KCNQ1: variants seen among roughly 807,000 people sequenced by gnomAD.
KCNQ1 encodes potassium voltage-gated channel subfamily Q member 1.
A neutral mutation model predicts 72.4 loss-of-function variants in KCNQ1; 49 were observed. That is an observed-to-expected ratio of 0.68 (90% CI 0.54 to 0.86). The LOEUF is 0.86. KCNQ1 is among the 40% of genes least tolerant of loss of function. KCNQ1 has a pLI of 0.00. For missense variants in KCNQ1, 790 were observed against 945.1 expected (o/e 0.84, Z 2.15); for synonymous variants, 450 against 412.6 (o/e 1.09, Z -1.10).
In KCNQ1 at chr11:2,471,886, G is replaced by C. The variant is rs1479436404; in HGVS notation, c.386+26402G>C. ...TTTATGTATGGGTGTGTGTGCACATGTGTATAGGTGTGTGTATGCGTGCAC... is the reference window on the plus strand; with the variant it reads ...TTTATGTATGGGTGTGTGTGCACATCTGTATAGGTGTGTGTATGCGTGCAC... On this transcript the variant is annotated intron_variant, in intron 1 of 15. Transcript: ENST00000155840. The surrounding 1 kb of genome is among the most constrained non-coding windows in gnomAD (Gnocchi z 4.8). Among the ~76,000 whole-genome samples, 1 of 151,066 alleles carries C rather than the reference G, an allele frequency of 6.6e-6. No individual in the cohort carries two copies. Among genetic ancestry groups the C allele is most frequent in the African/African-American group, 2.4e-5 (1 of 41,038 alleles).
At position 2,510,492 on chromosome 11, in the gene KCNQ1, A is replaced by G. The variant is rs374001031; in HGVS notation, c.387-17436A>G. ...TGTGGTGGCTCACATCTGTAGTCCCAGCTACCCTGGAGGCTGAGGTGGGAG... is the reference window on the plus strand; with the variant it reads ...TGTGGTGGCTCACATCTGTAGTCCCGGCTACCCTGGAGGCTGAGGTGGGAG... On this transcript the variant is annotated intron_variant, in intron 1 of 15. Transcript: ENST00000155840. 3.7e-4 allele frequency among the ~76,000 whole-genome samples: 57 copies of G among 152,212 alleles called. 1 individual carries two copies. The highest frequency in any genetic ancestry group is 1.4e-3 in the African/African-American group (57 of 41,522).
In KCNQ1 at chr11:2,598,936, T is replaced by C. The variant is rs1469816728; in HGVS notation, c.1393+10082T>C. 6.6e-6 allele frequency among the ~76,000 whole-genome samples: 1 copy of C among 152,226 alleles called. No individual in the cohort carries two copies. The highest frequency in any genetic ancestry group is 1.5e-5 in the Non-Finnish European group (1 of 68,032). ...CCCATATGCAGCAAACAGTCTTGTG[T>C]CTCTGTCTGCTGCCAAATTGGCCTC... On this transcript the variant is annotated intron_variant, in intron 10 of 15. Coordinates refer to ENST00000155840, the MANE Select transcript of KCNQ1 (RefSeq NM_000218.3). This position sits in a 1 kb window ranked among gnomAD's most constrained non-coding sequence, Gnocchi z 6.2.
Position 2,642,254 on chromosome 11 carries a change from G to T in KCNQ1, c.1394-19707G>T. On this transcript the variant is annotated intron_variant, in intron 10 of 15. Transcript: ENST00000155840. The surrounding 1 kb of genome is among the most constrained non-coding windows in gnomAD (Gnocchi z 4.3). ...GTTAATTCTCCCAATCCATGAGAATGGGATGTTTTTTGTGTGTTCTTTTCA... is the reference window on the plus strand; with the variant it reads ...GTTAATTCTCCCAATCCATGAGAATTGGATGTTTTTTGTGTGTTCTTTTCA... 2.5e-6 allele frequency: 1 copy of T among 398,334 alleles called. No homozygotes were observed. The allele number at this position is 398,334 out of a possible 1,614,324, so 24.7% of individuals were successfully genotyped here.
Position 2,840,920 on chromosome 11 carries a change from C to T in KCNQ1, c.1795-6847C>T, listed in dbSNP as rs530623720. Among the ~76,000 whole-genome samples the T allele has an allele frequency of 1.9e-3, 293 of 152,292 alleles. 1 individual carries two copies. Among genetic ancestry groups the T allele is most frequent in the African/African-American group, 3.9e-3 (164 of 41,554 alleles). Reference sequence around the variant, plus strand: ...GGGCCTCACTTACTAATTCAACAAACATTTGTGCAGCGCCAACTCTACCCT... The same window carrying T: ...GGGCCTCACTTACTAATTCAACAAATATTTGTGCAGCGCCAACTCTACCCT... On this transcript the variant is annotated intron_variant, in intron 15 of 15. Transcript: ENST00000155840.
rs892357352 is a variant in KCNQ1 at position 2,478,780 on chromosome 11, C to T, written c.386+33296C>T. Among the ~76,000 whole-genome samples the T allele has an allele frequency of 1.3e-5, 2 of 152,172 alleles. No individual in the cohort carries two copies. Among genetic ancestry groups the T allele is most frequent in the African/African-American group, 2.4e-5 (1 of 41,446 alleles). On this transcript the variant is annotated intron_variant, in intron 1 of 15. Coordinates refer to ENST00000155840, the MANE Select transcript of KCNQ1 (RefSeq NM_000218.3). The surrounding 1 kb of genome is among the most constrained non-coding windows in gnomAD (Gnocchi z 4.0). ...TCCCAACGGTGCCCCAAAGTCTTAA[C>T]TCATTTCAGCATTAACTCAAAAATC...
In KCNQ1 at chr11:2,491,934, G is replaced by GA. The variant is rs1215470868; in HGVS notation, c.387-35986dup. On this transcript the variant is annotated intron_variant, in intron 1 of 15. Coordinates refer to ENST00000155840, the MANE Select transcript of KCNQ1 (RefSeq NM_000218.3). This position sits in a 1 kb window ranked among gnomAD's most constrained non-coding sequence, Gnocchi z 4.1. ...GCAGGACATATTTAAGGTGCTGAAG[G>GA]AAAAAAAAGAAAAAAACTTTTGCTC... Among the ~76,000 whole-genome samples, 15 of 151,488 alleles carry GA rather than the reference G, an allele frequency of 9.9e-5. No individual in the cohort carries two copies. The highest frequency in any genetic ancestry group is 4.4e-5 in the Non-Finnish European group (3 of 67,868).
In KCNQ1 at chr11:2,687,063, C is replaced by T. The variant is rs1850502157; in HGVS notation, c.1514+24982C>T. 1.0e-5 allele frequency: 4 copies of T among 398,530 alleles called. No individual in the cohort carries two copies. The highest frequency in any genetic ancestry group is 8.8e-5 in the Admixed American group (2 of 22,724). 24.7% of individuals were successfully genotyped at this position (398,530 alleles called of 1,614,324 possible). ...CCCAGCTCTGGGGGACAAGGACCCA[C>T]AAAGTGATGCAAGATATCCTGAGTT... is the stretch of plus-strand genomic sequence containing the variant. On this transcript the variant is annotated intron_variant, in intron 11 of 15. Coordinates refer to ENST00000155840, the MANE Select transcript of KCNQ1 (RefSeq NM_000218.3). The surrounding 1 kb of genome is among the most constrained non-coding windows in gnomAD (Gnocchi z 5.0).
Position 2,602,386 on chromosome 11 carries a change from A to G in KCNQ1, c.1393+13532A>G, listed in dbSNP as rs1243084109. ...ATAAGGATGACATGAATATTCTTGTAAGGTTCTTGTGTGAACATAAGTTTT... is the reference window on the plus strand; with the variant it reads ...ATAAGGATGACATGAATATTCTTGTGAGGTTCTTGTGTGAACATAAGTTTT... On this transcript the variant is annotated intron_variant, in intron 10 of 15. Transcript: ENST00000155840. This position sits in a 1 kb window ranked among gnomAD's most constrained non-coding sequence, Gnocchi z 4.8. Among the ~76,000 whole-genome samples the G allele has an allele frequency of 6.6e-6, 1 of 152,172 alleles. No homozygotes were observed. Among genetic ancestry groups the G allele is most frequent in the Non-Finnish European group, 1.5e-5 (1 of 68,034 alleles).
Position 2,654,998 on chromosome 11 carries a change from C to T in KCNQ1, c.1394-6963C>T, listed in dbSNP as rs1283759190. On this transcript the variant is annotated intron_variant, in intron 10 of 15. Transcript: ENST00000155840. The surrounding 1 kb of genome is among the most constrained non-coding windows in gnomAD (Gnocchi z 6.4). ...TATCATGCAAAATAGAAAACACAGA[C>T]ACAATAAGGAAGGAAATGAAAATCA... The T allele has an allele frequency of 1.0e-5, 4 of 398,418 alleles. No homozygotes were observed. The highest frequency in any genetic ancestry group is 6.2e-5 in the African/African-American group (3 of 48,588). 24.7% of individuals were successfully genotyped at this position (398,418 alleles called of 1,614,324 possible).
intron 15 of KCNQ1, among the ~76,000 whole-genome samples, chr11:2,805,532 A>T (rs2134031657): frequency 6.6e-6 from 1 of 152,340 alleles, no homozygotes; most frequent in Non-Finnish European, 1.5e-5. Context: ...TGTTTTTGTA[A>T]ATAAAGTTTT....
chr11:2,456,691 G>A (rs1187679599), intron 1 of KCNQ1, among the ~76,000 whole-genome samples: 1 of 150,672 alleles, frequency 6.6e-6, no homozygotes, highest in African/African-American at 2.4e-5. Context: ...GGAGGCCAAG[G>A]TGGGCAGATC....
At chr11:2,837,617 T>G (rs1848100562) in intron 15 of KCNQ1, among the ~76,000 whole-genome samples, 2 of 148,048 alleles carry the variant, frequency 1.4e-5, no homozygotes, top group Non-Finnish European at 1.5e-5. Context: ...CAGACAGAGG[T>G]GGGGGATGGA....
intron 11 of KCNQ1, among the ~76,000 whole-genome samples, chr11:2,743,861 G>A (rs1590064472): frequency 6.6e-6 from 1 of 152,364 alleles, no homozygotes; most frequent in East Asian, 1.9e-4. Flanking sequence ...TCTTCTGGTA[G>A]GGTGGGATAT....
At chr11:2,523,014 C>T (rs1847415880) in intron 1 of KCNQ1, among the ~76,000 whole-genome samples, 1 of 152,218 alleles carries the variant, frequency 6.6e-6, no homozygotes, top group Admixed American at 6.5e-5. Context: ...CCAGCTGTGT[C>T]TCCTGAGCAC....
Position 2,499,979 on chromosome 11 carries a change from C to T in KCNQ1, c.387-27949C>T, listed in dbSNP as rs1194890031. Among the ~76,000 whole-genome samples, 3 of 152,206 alleles carry T rather than the reference C, an allele frequency of 2.0e-5. No homozygotes were observed. The East Asian group carries it at 5.8e-4, about 29-fold the overall frequency. ...AAATACTATCAAGCATCTTCTCTGA[C>T]CAGTACAGAATAAAACTAGAAGTTA... is the stretch of plus-strand genomic sequence containing the variant. On this transcript the variant is annotated intron_variant, in intron 1 of 15. Coordinates refer to ENST00000155840, the MANE Select transcript of KCNQ1 (RefSeq NM_000218.3).
intron 15 of KCNQ1, among the ~76,000 whole-genome samples, chr11:2,807,716 CT>C (rs1273111065): frequency 6.7e-6 from 1 of 150,142 alleles, no homozygotes; most frequent in South Asian, 2.1e-4. Flanking sequence ...CCCACCCGAG[CT>C]GCCTGCCTTT....
chr11:2,475,541 A>T lies in KCNQ1; in HGVS notation c.386+30057A>T, dbSNP rs938601786. On this transcript the variant is annotated intron_variant, in intron 1 of 15. Transcript: ENST00000155840. This position sits in a 1 kb window ranked among gnomAD's most constrained non-coding sequence, Gnocchi z 5.8. ...GATTTTCAAGCACACACACCTAAAG[A>T]TAGCAGACATTCCATTCAACCTTCA... Among the ~76,000 whole-genome samples the T allele has an allele frequency of 2.6e-5, 4 of 152,372 alleles. No homozygotes were observed. Among genetic ancestry groups the T allele is most frequent in the Admixed American group, 1.3e-4 (2 of 15,310 alleles).
chr11:2,661,766 AGGT>A lies in KCNQ1; in HGVS notation c.1394-193_1394-191del, dbSNP rs1287515468. ...TGGCCTTTATTCTCCTCAGACACTG[AGGT>A]GTCAGGCACTTTGGGGCCATCTTAA... On this transcript the variant is annotated intron_variant, in intron 10 of 15. Transcript: ENST00000155840. The surrounding 1 kb of genome is among the most constrained non-coding windows in gnomAD (Gnocchi z 5.9). The A allele has an allele frequency of 3.1e-6, 2 of 651,226 alleles. No individual in the cohort carries two copies. The highest frequency in any genetic ancestry group is 5.5e-6 in the Non-Finnish European group (2 of 363,362). 40.3% of individuals were successfully genotyped at this position (651,226 alleles called of 1,614,324 possible). A position where few individuals can be genotyped will look rare whatever the true frequency, so the allele number is the denominator to read the frequency against.
intron 15 of KCNQ1, among the ~76,000 whole-genome samples, chr11:2,788,025 C>T (rs1296810353): frequency 6.6e-6 from 1 of 152,154 alleles, no homozygotes; most frequent in Non-Finnish European, 1.5e-5. Flanking sequence ...GCTCCCCCAA[C>T]GTTTACCCAG....
Sources: allele counts gnomAD v4.1 joint callset (sites outside exome capture counted in the v4.1 genomes callset), GRCh38; gene constraint gnomAD v4.1.1; non-coding constraint Gnocchi (gnomAD v3.1); transcripts MANE v1.5; gene names NCBI Gene and HGNC (gene_info 2026-07-23, HGNC 2026-07-21).